The following PHACTR4 variants were observed in gnomAD, a reference collection of about 807,000 sequenced individuals.
The protein encoded by PHACTR4 is protein phosphatase 1, regulatory subunit 124.
PHACTR4 carries 51 observed loss-of-function variants against 72.7 expected under a neutral mutation model. The observed-to-expected ratio is 0.70, with a 90% confidence interval of 0.56 to 0.89. The LOEUF (loss-of-function observed/expected upper bound fraction) is 0.89, where lower values mean the gene tolerates loss of function less well. Ranked by LOEUF, PHACTR4 falls within the 40% of genes least tolerant of loss-of-function variation. The probability of loss-of-function intolerance (pLI) is 0.00; values close to 1 mark genes in which losing one functional copy is unlikely to be tolerated. For synonymous variants in PHACTR4, 255 were observed against 302.5 expected, an observed-to-expected ratio of 0.84 and a Z score of 1.63; for missense variants, 731 against 861.8, an observed-to-expected ratio of 0.85 and a Z score of 1.90.
At chr1:28,426,524 C>T (rs1373467079) in intron 2 of PHACTR4, among the ~76,000 whole-genome samples, 1 of 151,838 alleles carries the variant, frequency 6.6e-6, no homozygotes, top group African/African-American at 2.4e-5. Context: ...ATTAGCCAGG[C>T]GTGGTGGTGG....
chr1:28,493,132 G>A, intron 13 of PHACTR4, 41 bp downstream of exon 13: 1 of 1,555,322 alleles, frequency 6.4e-7, no homozygotes, highest in African/African-American at 1.4e-5. Flanking sequence ...GCTAGGTAGA[G>A]TTTTCCAAAA....
Position 28,491,855 on chromosome 1 carries a change from T to C in PHACTR4, c.2016+68T>C, listed in dbSNP as rs371258167. On this transcript the variant is annotated intron_variant, in intron 12 of 13. Coordinates refer to ENST00000373839, the MANE Select transcript of PHACTR4 (RefSeq NM_001048183.3). ...TTCTCTTTATTTGGAGGATCCAAGA[T>C]ACTAACTAGAAGGGAGAACCATAAA... 5.2e-6 allele frequency: 8 copies of C among 1,534,984 alleles called. No individual in the cohort carries two copies. In the East Asian group the frequency reaches 6.8e-5, roughly 13 times the overall value.
At chr1:28,496,298 C>T (rs950720842) in intron 13 of PHACTR4, among the ~76,000 whole-genome samples, 13 of 151,282 alleles carry the variant, frequency 8.6e-5, no homozygotes, top group Non-Finnish European at 2.9e-5. Context: ...CCTCTTGATC[C>T]GCCCGCCTCG....
chr1:28,406,951 GTGT>G (rs1276985114), intron 1 of PHACTR4, among the ~76,000 whole-genome samples: 1 of 151,950 alleles, frequency 6.6e-6, no homozygotes, highest in Non-Finnish European at 1.5e-5. Flanking sequence ...CCTTTCTCAG[GTGT>G]TGTATTTTTC....
intron 7 of PHACTR4, among the ~76,000 whole-genome samples, chr1:28,475,085 G>GACT (rs1659840315): frequency 6.6e-6 from 1 of 151,904 alleles, no homozygotes; most frequent in Non-Finnish European, 1.5e-5. Flanking sequence ...GAGTAACTGT[G>GACT]ACTACAGGCG....
At chr1:28,379,403 G>T (rs536377592) in intron 1 of PHACTR4, among the ~76,000 whole-genome samples, 14 of 151,182 alleles carry the variant, frequency 9.3e-5, no homozygotes, top group African/African-American at 3.4e-4. Flanking sequence ...CTCCCGGGTA[G>T]CTGGGACTAT....
intron 2 of PHACTR4, among the ~76,000 whole-genome samples, chr1:28,446,401 T>C (rs563302589): frequency 6.6e-6 from 1 of 152,268 alleles, no homozygotes; most frequent in East Asian, 1.9e-4. Context: ...GGGAGGTGAT[T>C]GGGGTGGATT....
chr1:28,389,284 T>G (rs1048824930), intron 1 of PHACTR4, among the ~76,000 whole-genome samples: 2 of 151,978 alleles, frequency 1.3e-5, no homozygotes, highest in African/African-American at 2.4e-5. Flanking sequence ...AAATGCAAAT[T>G]AAAACCACAA....
chr1:28,489,927 T>C (rs1194689755), intron 10 of PHACTR4: 1 of 518,130 alleles, frequency 1.9e-6, no homozygotes, highest in Admixed American at 1.9e-5. Flanking sequence ...GTACATTTTC[T>C]AGTGTGGGAG....
intron 1 of PHACTR4, among the ~76,000 whole-genome samples, chr1:28,398,724 CAGG>C (rs1280592455): frequency 6.6e-6 from 1 of 151,480 alleles, no homozygotes; most frequent in East Asian, 1.9e-4. Context: ...GAGGCTGAGG[CAGG>C]AGAATTGCTT....
At chr1:28,434,355 CTT>C (rs1218565099) in intron 2 of PHACTR4, among the ~76,000 whole-genome samples, 1 of 149,464 alleles carries the variant, frequency 6.7e-6, no homozygotes, top group Non-Finnish European at 1.5e-5. Context: ...GAGTTTCACT[CTT>C]GTCACCCCGG....
intron 13 of PHACTR4, among the ~76,000 whole-genome samples, chr1:28,496,050 CTTTT>C (rs59019895): frequency 9.0e-5 from 8 of 88,774 alleles, no homozygotes; most frequent in South Asian, 7.6e-4. Flanking sequence ...GAGAAGAGTT[CTTTT>C]TTTTTTTTTT....
At chr1:28,467,452 T>C (rs1659264806) in intron 6 of PHACTR4, among the ~76,000 whole-genome samples, 1 of 151,580 alleles carries the variant, frequency 6.6e-6, no homozygotes, top group Non-Finnish European at 1.5e-5. Context: ...CATAACAGAT[T>C]CCACCTGCAT....
intron 2 of PHACTR4, among the ~76,000 whole-genome samples, chr1:28,440,812 G>C (rs575916237): frequency 6.6e-6 from 1 of 152,154 alleles, no homozygotes; most frequent in East Asian, 1.9e-4. Flanking sequence ...TCCAATAAAG[G>C]TTTTCACCAA....
chr1:28,398,006 G>A (rs906748358), intron 1 of PHACTR4, among the ~76,000 whole-genome samples: 8 of 151,674 alleles, frequency 5.3e-5, no homozygotes, highest in Non-Finnish European at 7.4e-5. Flanking sequence ...AGCCACCGCC[G>A]CTGGCCTAAT....
At position 28,453,512 on chromosome 1, in the gene PHACTR4, A is replaced by G. The variant is rs148896836; in HGVS notation, c.17-5573A>G. On this transcript the variant is annotated intron_variant, in intron 2 of 13. Coordinates refer to ENST00000373839, the MANE Select transcript of PHACTR4 (RefSeq NM_001048183.3). ...TTGCCTGCCATTTTTATAAGTATAT[A>G]TACATAGGTGGTGGCTGGGCTGGGG... 7.5e-5 allele frequency: 42 copies of G among 556,980 alleles called. No homozygotes were observed. The East Asian group carries it at 1.1e-3, about 15-fold the overall frequency. 34.5% of individuals were successfully genotyped at this position (556,980 alleles called of 1,614,324 possible).
intron 1 of PHACTR4, among the ~76,000 whole-genome samples, chr1:28,393,502 A>G (rs898318749): frequency 1.3e-5 from 2 of 152,220 alleles, no homozygotes; most frequent in Admixed American, 6.5e-5. Flanking sequence ...TCATGATGTT[A>G]TAGCACAATG....
intron 2 of PHACTR4, among the ~76,000 whole-genome samples, chr1:28,444,646 C>T (rs1365308416): frequency 3.3e-5 from 5 of 150,460 alleles, no homozygotes; most frequent in Non-Finnish European, 7.4e-5. Context: ...GACAGAGTCT[C>T]GCTGTGTTGG....
chr1:28,374,911 T>C (rs1422233655), intron 1 of PHACTR4, among the ~76,000 whole-genome samples: 1 of 152,234 alleles, frequency 6.6e-6, no homozygotes, highest in African/African-American at 2.4e-5. Context: ...ATTCCTGCTC[T>C]TCCTATCTTG....
Sources: allele counts gnomAD v4.1 joint callset (sites outside exome capture counted in the v4.1 genomes callset), GRCh38; gene constraint gnomAD v4.1.1; transcripts MANE v1.5; gene names NCBI Gene and HGNC (gene_info 2026-07-23, HGNC 2026-07-21).